Variants in TMEM132D observed in about 807,000 individuals in gnomAD.
TMEM132D encodes transmembrane protein 132D.
Under a neutral mutation model 62.3 loss-of-function variants are expected in TMEM132D, and 21 were observed. That is an observed-to-expected ratio of 0.34 (90% CI 0.24 to 0.49). TMEM132D has a LOEUF of 0.49. Among genes scored for constraint, TMEM132D ranks in the 20% least tolerant of loss-of-function variants. The probability of loss-of-function intolerance (pLI) is 0.99; values close to 1 mark genes in which losing one functional copy is unlikely to be tolerated. For missense variants in TMEM132D, 1,346 were observed against 1,402.8 expected (o/e 0.96, Z 0.65); for synonymous variants, 621 against 575.6 (o/e 1.08, Z -1.13).
chr12:129,840,879 C>T (rs1421716163), intron 1 of TMEM132D, among the ~76,000 whole-genome samples: 1 of 152,214 alleles, frequency 6.6e-6, no homozygotes, highest in African/African-American at 2.4e-5. Context: ...ATAAATATAG[C>T]ATTAAAAGCT....
At chr12:129,895,322 C>G (rs1000127104) in intron 1 of TMEM132D, among the ~76,000 whole-genome samples, 1 of 152,210 alleles carries the variant, frequency 6.6e-6, no homozygotes, top group Non-Finnish European at 1.5e-5. Context: ...ACATTCTATC[C>G]AGTAGCAAAA....
rs527564189 is a variant in TMEM132D at position 129,270,671 on chromosome 12, C to T, written c.1300-61008G>A. Among the ~76,000 whole-genome samples the T allele has an allele frequency of 1.1e-3, 172 of 152,130 alleles. 1 individual carries two copies. The highest frequency in any genetic ancestry group is 3.9e-3 in the African/African-American group (163 of 41,504). ...TGTGTGTGTGTGTGTGAGAGTGTGC[C>T]AAGAGAATGGCTGTATCAGGCAGCT... On this transcript the variant is annotated intron_variant, in intron 4 of 8. Transcript: ENST00000422113.
At chr12:129,474,352 T>C (rs933925836) in intron 3 of TMEM132D, among the ~76,000 whole-genome samples, 2 of 152,234 alleles carry the variant, frequency 1.3e-5, no homozygotes, top group African/African-American at 4.8e-5. Context: ...TACAATTAAT[T>C]CTCACATCAA....
chr12:129,632,496 A>T (rs1415884704), intron 2 of TMEM132D, among the ~76,000 whole-genome samples: 1 of 151,932 alleles, frequency 6.6e-6, no homozygotes, highest in African/African-American at 2.4e-5. Flanking sequence ...TGTCTTCAAG[A>T]CCCATTATAA....
At chr12:129,607,393 G>C (rs1565920740) in intron 2 of TMEM132D, among the ~76,000 whole-genome samples, 1 of 152,330 alleles carries the variant, frequency 6.6e-6, no homozygotes, top group South Asian at 2.1e-4. Context: ...TTGGCATGCA[G>C]AATTCCTACG....
At position 129,073,799 on chromosome 12, in the gene TMEM132D, C is replaced by CG. The variant is rs536064040; in HGVS notation, c.*75dup. ...TTGTCCTGCTGCTTTGTTTCTCTTC[C>CG]GGGGGCACCGTTGCTACACATCCTG... On this transcript the variant is annotated 3_prime_UTR_variant, in exon 9 of 9. Coordinates refer to ENST00000422113, the MANE Select transcript of TMEM132D (RefSeq NM_133448.3). The CG allele has an allele frequency of 3.4e-4, 439 of 1,303,180 alleles. No homozygotes were observed. Among genetic ancestry groups the CG allele is most frequent in the Non-Finnish European group, 4.5e-4 (427 of 942,856 alleles). The allele number at this position is 1,303,180 out of a possible 1,614,324, so 80.7% of individuals were successfully genotyped here.
chr12:129,276,516 T>A (rs1178155177), intron 4 of TMEM132D, among the ~76,000 whole-genome samples: 1 of 152,200 alleles, frequency 6.6e-6, no homozygotes, highest in Non-Finnish European at 1.5e-5. Context: ...AATTATCCAC[T>A]GACCTAAATC....
At position 129,700,286 on chromosome 12, in the gene TMEM132D, C is replaced by G. The variant is rs2137226741; in HGVS notation, c.492G>C (p.Lys164Asn). 6.2e-7 allele frequency: 1 copy of G among 1,613,576 alleles called. No individual in the cohort carries two copies. The highest frequency in any genetic ancestry group is 1.3e-5 in the African/African-American group (1 of 75,076). Residue 164 changes from lysine to asparagine, a missense_variant, in exon 2 of 9, where the codon AAG (lysine) becomes AAC (asparagine). Coordinates refer to ENST00000422113, the MANE Select transcript of TMEM132D (RefSeq NM_133448.3). ...AAGCAAAGACCCTCAGGCACGGCAGCTTCTCCCCGGCGCTGCGGTCGTCCC... is the reference window on the plus strand; with the variant it reads ...AAGCAAAGACCCTCAGGCACGGCAGGTTCTCCCCGGCGCTGCGGTCGTCCC... ...RDWDDRSAGE[K>N]LPCLRVFAFR... is the part of the protein sequence containing the mutation.
At chr12:129,289,621 T>A (rs1453878106) in intron 4 of TMEM132D, among the ~76,000 whole-genome samples, 1 of 151,414 alleles carries the variant, frequency 6.6e-6, no homozygotes, top group African/African-American at 2.4e-5. Flanking sequence ...TTGTGCTTGC[T>A]GCAATTGAAA....
At chr12:129,246,762 T>C (rs993350012) in intron 4 of TMEM132D, among the ~76,000 whole-genome samples, 1 of 68,198 alleles carries the variant, frequency 1.5e-5, no homozygotes, top group African/African-American at 5.2e-5. Context: ...CAAGACTCTA[T>C]CTCAAAAAAA....
rs968592984 is a variant in TMEM132D at position 129,320,411 on chromosome 12, C to T, written c.1299+17223G>A. On this transcript the variant is annotated intron_variant, in intron 4 of 8. Coordinates refer to ENST00000422113, the MANE Select transcript of TMEM132D (RefSeq NM_133448.3). ...TATTTAAACCCAAGAAAGAGACATT[C>T]TATGGGACACTGTGCAGGAGACTAC... is the stretch of plus-strand genomic sequence containing the variant. 3.0e-4 allele frequency among the ~76,000 whole-genome samples: 45 copies of T among 152,148 alleles called. 1 individual carries two copies. Among genetic ancestry groups the T allele is most frequent in the African/African-American group, 1.0e-3 (43 of 41,422 alleles).
At chr12:129,499,064 G>T (rs1481227972) in intron 3 of TMEM132D, among the ~76,000 whole-genome samples, 1 of 152,160 alleles carries the variant, frequency 6.6e-6, no homozygotes, top group East Asian at 1.9e-4. Flanking sequence ...CCTATCATGT[G>T]CTCTGTAATA....
chr12:129,493,091 C>A (rs1169358693), intron 3 of TMEM132D, among the ~76,000 whole-genome samples: 1 of 152,174 alleles, frequency 6.6e-6, no homozygotes, highest in East Asian at 1.9e-4. Flanking sequence ...ACTTGAAGGT[C>A]AACATGTGCC....
rs535766134 is a variant in TMEM132D, at chr12:129,184,694, G to T, written c.1443+24826C>A. Among the ~76,000 whole-genome samples the T allele has an allele frequency of 9.2e-5, 14 of 152,332 alleles. 1 individual carries two copies. The South Asian group carries it at 2.9e-3, about 32-fold the overall frequency. ...TCTGGCGCCTGCGGCTGTTTTCTTT[G>T]TTCGGTGTTCCTGTCTCTTCCCGGT... On this transcript the variant is annotated intron_variant, in intron 5 of 8. Transcript: ENST00000422113.
At chr12:129,139,851 C>T (rs1411311652) in intron 5 of TMEM132D, among the ~76,000 whole-genome samples, 1 of 152,066 alleles carries the variant, frequency 6.6e-6, no homozygotes, top group East Asian at 1.9e-4. Context: ...GCTGGGACTA[C>T]AGGCATGTGC....
Position 129,084,512 on chromosome 12 carries a change from A to G in TMEM132D, c.1634T>C (p.Ile545Thr). 1 of 1,602,448 alleles carries G rather than the reference A, an allele frequency of 6.2e-7. No individual in the cohort carries two copies. The highest frequency in any genetic ancestry group is 8.5e-7 in the Non-Finnish European group (1 of 1,174,372). ...ACATACCCACCTCCTGCTGGAGACG[A>G]TGGGCACTCTCCAACCCTTGATCTG... ...LNQIKGWRVPIVSSRRPAGDS... is the reference protein window; with the variant it reads ...LNQIKGWRVPTVSSRRPAGDS... Residue 545 changes from isoleucine (I) to threonine (T), a missense_variant, in exon 6 of 9, where the codon ATC becomes ACC. By Grantham distance (89) the Ile-to-Thr change is moderately conservative. Coordinates refer to ENST00000422113, the MANE Select transcript of TMEM132D (RefSeq NM_133448.3).
At chr12:129,893,836 T>TCCTG (rs1426197236) in intron 1 of TMEM132D, among the ~76,000 whole-genome samples, 2 of 152,236 alleles carry the variant, frequency 1.3e-5, no homozygotes, top group African/African-American at 4.8e-5. Flanking sequence ...CCACACCTGG[T>TCCTG]CCTGCCTTGG....
intron 1 of TMEM132D, among the ~76,000 whole-genome samples, chr12:129,727,923 C>T (rs1565964180): frequency 6.6e-6 from 1 of 152,198 alleles, no homozygotes; most frequent in East Asian, 1.9e-4. Flanking sequence ...TACGTTTATA[C>T]AATCTCCCTA....
chr12:129,106,091 A>G (rs988989419), intron 5 of TMEM132D, among the ~76,000 whole-genome samples: 18 of 151,342 alleles, frequency 1.2e-4, no homozygotes, highest in Non-Finnish European at 2.4e-4. Flanking sequence ...GCAGCCATAA[A>G]AAATGATGAG....
Sources: gnomAD v4.1 joint callset for allele counts (sites outside exome capture counted in the v4.1 genomes callset) on GRCh38, gnomAD v4.1.1 for gene constraint, MANE v1.5 for transcripts, NCBI Gene and HGNC (gene_info 2026-07-23, HGNC 2026-07-21) for gene names.